The following AFAP1L2 variants were observed in gnomAD, a reference collection of about 807,000 sequenced individuals.
The protein encoded by AFAP1L2 is actin filament-associated protein 1-like 2.
AFAP1L2 carries 46 observed loss-of-function variants against 99.3 expected under a neutral mutation model. The ratio of observed to expected loss-of-function variants is 0.46; its 90% CI spans 0.37 to 0.59. The LOEUF is 0.59. Among genes scored for constraint, AFAP1L2 ranks in the 20% least tolerant of loss-of-function variants. The pLI is 0.00. For missense variants in AFAP1L2, 959 were observed against 1,034.9 expected, an observed-to-expected ratio of 0.93 and a Z score of 1.01; for synonymous variants, 397 against 419.1, an observed-to-expected ratio of 0.95 and a Z score of 0.64.
At chr10:114,391,682 G>A (rs185936679) in intron 1 of AFAP1L2, among the ~76,000 whole-genome samples, 159 of 152,328 alleles carry the variant, frequency 1.0e-3, no homozygotes, top group South Asian at 8.5e-3. Context: ...ACAAGATGAG[G>A]TGAGGGTTAA....
At chr10:114,280,924 A>G in the AFAP1L2 span, 1 of 151,830 alleles carries the variant, frequency 6.6e-6, no homozygotes, top group African/African-American at 2.4e-5. Context: ...ATTTTTTTTT[A>G]TAGATGGGGT....
chr10:114,358,568 A>T (rs974513548), intron 1 of AFAP1L2, among the ~76,000 whole-genome samples: 2 of 152,134 alleles, frequency 1.3e-5, no homozygotes, highest in African/African-American at 4.8e-5. Flanking sequence ...TTCAATGACA[A>T]ATAACAATAA....
chr10:114,386,693 C>T (rs1005644636), intron 1 of AFAP1L2, among the ~76,000 whole-genome samples: 6 of 152,168 alleles, frequency 3.9e-5, no homozygotes, highest in African/African-American at 1.4e-4. Context: ...GTTCCTTAGG[C>T]CCAGCAGGCC....
intron 1 of AFAP1L2, among the ~76,000 whole-genome samples, chr10:114,375,651 G>T (rs2475245): frequency 0.72 from 109,147 of 152,136 alleles, 42,318 homozygotes; most frequent in Non-Finnish European, 0.86. Flanking sequence ...CTTGGCTGAG[G>T]TAGTTTTCCA....
At chr10:114,402,634 T>A (rs1412107762) in intron 1 of AFAP1L2, among the ~76,000 whole-genome samples, 4 of 152,192 alleles carry the variant, frequency 2.6e-5, no homozygotes, top group Admixed American at 2.0e-4. Context: ...AAACTGATCC[T>A]CTTCGAGGGT....
At chr10:114,382,442 T>C (rs555898500) in intron 1 of AFAP1L2, among the ~76,000 whole-genome samples, 56 of 152,074 alleles carry the variant, frequency 3.7e-4, no homozygotes, top group African/African-American at 1.4e-3. Context: ...GTGACAGATA[T>C]CAGGGACCGG....
chr10:114,302,348 T>C lies in AFAP1L2; in HGVS notation c.1421A>G (p.Asn474Ser), dbSNP rs745669999. The change falls in exon 12 of 19, where the codon AAC becomes AGC. Residue 474 changes from asparagine to serine, a missense_variant. This residue lies in a region of AFAP1L2 where 576 missense variants were observed against 562.1 expected (regional missense o/e 1.02). Transcript: ENST00000304129. ...GGTCCAAATTACTCACAAGAGAGAG[T>C]TTTTGGCCGCACTCACAATACAGGA... The part of the protein sequence containing the change: ...RVSCIVSAAK[N>S]SLLLMQRKFS... 1 of 1,612,316 alleles carries C rather than the reference T, an allele frequency of 6.2e-7. No individual in the cohort carries two copies. Among genetic ancestry groups the C allele is most frequent in the East Asian group, 2.2e-5 (1 of 44,792 alleles).
chr10:114,314,167 C>CA (rs2043741348), intron 6 of AFAP1L2, 117 bp from the exon 7 acceptor site: 1 of 1,028,410 alleles, frequency 9.7e-7, no homozygotes. Flanking sequence ...CTTAACCCAG[C>CA]AAGACTAAGA....
intron 4 of AFAP1L2, among the ~76,000 whole-genome samples, chr10:114,327,831 G>A (rs1293162336): frequency 6.6e-6 from 1 of 152,246 alleles, no homozygotes; most frequent in Non-Finnish European, 1.5e-5. Context: ...GTGGCTCAGA[G>A]GACCCGAGGC....
chr10:114,356,737 C>G (rs2051448654), intron 1 of AFAP1L2, among the ~76,000 whole-genome samples: 1 of 152,168 alleles, frequency 6.6e-6, no homozygotes, highest in Non-Finnish European at 1.5e-5. Context: ...CCAAGGCTTT[C>G]TAAACCCAAT....
At chr10:114,313,815 A>G in intron 7 of AFAP1L2, 56 bp downstream of exon 7, 1 of 1,515,966 alleles carries the variant, frequency 6.6e-7, no homozygotes, top group Non-Finnish European at 8.8e-7. Context: ...TCCCTTTAGA[A>G]AAGCTGGGGG....
chr10:114,351,368 A>T (rs1369024752), intron 1 of AFAP1L2, among the ~76,000 whole-genome samples: 2 of 152,212 alleles, frequency 1.3e-5, no homozygotes, highest in African/African-American at 4.8e-5. Context: ...GAGAAAAAAG[A>T]CATATTAAAG....
At chr10:114,285,833 T>G in the AFAP1L2 span, 1 of 1,253,328 alleles carries the variant, frequency 8.0e-7, no homozygotes, top group Non-Finnish European at 1.1e-6. Flanking sequence ...GGCCCACAGT[T>G]TCTCTGCACC....
Position 114,404,423 on chromosome 10 carries a change from G to A in AFAP1L2, c.16+17C>T, listed in dbSNP as rs1352498561. ...AAGGGAGTGGGTGTGCGCCGCGCGA[G>A]GAACCCGCGCCCTCACCTTTGTACC... On this transcript the variant is annotated intron_variant, in intron 1 of 18. Transcript: ENST00000304129. The A allele has an allele frequency of 5.2e-6, 8 of 1,542,802 alleles. No homozygotes were observed. The highest frequency in any genetic ancestry group is 3.6e-5 in the South Asian group (3 of 84,022).
At chr10:114,397,211 C>T (rs2057802461) in intron 1 of AFAP1L2, among the ~76,000 whole-genome samples, 1 of 152,084 alleles carries the variant, frequency 6.6e-6, no homozygotes, top group Non-Finnish European at 1.5e-5. Flanking sequence ...AGATACTGAA[C>T]ATCTCTATCA....
chr10:114,297,879 G>C (rs2040509386), intron 16 of AFAP1L2, among the ~76,000 whole-genome samples: 1 of 152,122 alleles, frequency 6.6e-6, no homozygotes, highest in Non-Finnish European at 1.5e-5. Flanking sequence ...GGTTGATGCT[G>C]CCACACCGTG....
At chr10:114,304,593 G>A (rs934667967) in intron 11 of AFAP1L2, 126 bp downstream of exon 11, 279 of 1,000,466 alleles carry the variant, frequency 2.8e-4, no homozygotes, top group Admixed American at 4.9e-4. Context: ...TCAGGCAAAC[G>A]AAGTAAAAAT....
At chr10:114,346,189 C>T (rs1242742294) in intron 1 of AFAP1L2, among the ~76,000 whole-genome samples, 3 of 152,160 alleles carry the variant, frequency 2.0e-5, no homozygotes, top group East Asian at 1.9e-4. Context: ...CCTTCCCTTC[C>T]TCTCTGGATC....
At chr10:114,314,102 G>A in intron 6 of AFAP1L2, 52 bp from the exon 7 acceptor site, 1 of 1,560,192 alleles carries the variant, frequency 6.4e-7, no homozygotes, top group East Asian at 2.3e-5. Context: ...CCGGGCGGAG[G>A]TGATGTCTGC....
Sources: allele counts gnomAD v4.1 joint callset (sites outside exome capture counted in the v4.1 genomes callset), GRCh38; gene constraint gnomAD v4.1.1; regional missense constraint gnomAD v4.1.1; transcripts MANE v1.5; gene names NCBI Gene and HGNC (gene_info 2026-07-23, HGNC 2026-07-21).